Variants in PTPRG observed in about 807,000 individuals in gnomAD.
The protein encoded by PTPRG is receptor-type tyrosine-protein phosphatase gamma.
PTPRG carries 102 observed loss-of-function variants against 165.3 expected under a neutral mutation model. The observed-to-expected ratio is 0.62, with a 90% confidence interval of 0.53 to 0.73. The LOEUF (loss-of-function observed/expected upper bound fraction) is 0.73, where lower values mean the gene tolerates loss of function less well. Among genes scored for constraint, PTPRG ranks in the 30% least tolerant of loss-of-function variants. The probability of loss-of-function intolerance (pLI) is 0.00; values close to 1 mark genes in which losing one functional copy is unlikely to be tolerated. For missense variants in PTPRG, 1,866 were observed against 1,861.4 expected (o/e 1.00, Z -0.05); for synonymous variants, 675 against 669.5 (o/e 1.01, Z -0.13).
At chr3:61,889,962 A>G (rs1172164288) in intron 2 of PTPRG, among the ~76,000 whole-genome samples, 1 of 152,242 alleles carries the variant, frequency 6.6e-6, no homozygotes, top group Non-Finnish European at 1.5e-5. Flanking sequence ...TCTCTCTGAA[A>G]CACATGGAAT....
intron 5 of PTPRG, among the ~76,000 whole-genome samples, chr3:62,123,074 A>G (rs1220117454): frequency 6.6e-6 from 1 of 152,094 alleles, no homozygotes; most frequent in East Asian, 1.9e-4. Flanking sequence ...GCTTAAAATA[A>G]CACACATTTA....
chr3:61,750,438 ACCATAAGTGGTG>A (rs1316245513), intron 2 of PTPRG: 1 of 152,244 alleles, frequency 6.6e-6, no homozygotes, highest in East Asian at 1.9e-4. Context: ...GTTAAGAATG[ACCATAAGTGGTG>A]CCATCTTTGT....
intron 8 of PTPRG, among the ~76,000 whole-genome samples, chr3:62,178,282 G>A (rs1366758067): frequency 6.6e-6 from 1 of 152,106 alleles, no homozygotes; most frequent in Non-Finnish European, 1.5e-5. Flanking sequence ...TGGATGGGAG[G>A]ATGGAGGGAT....
At chr3:62,068,111 A>G (rs149662146) in intron 4 of PTPRG, among the ~76,000 whole-genome samples, 15 of 152,330 alleles carry the variant, frequency 9.8e-5, no homozygotes, top group African/African-American at 3.6e-4. Flanking sequence ...CTACTATCTC[A>G]GCCTTAATTT....
At chr3:61,802,072 C>A (rs1327780912) in intron 2 of PTPRG, among the ~76,000 whole-genome samples, 2 of 150,948 alleles carry the variant, frequency 1.3e-5, no homozygotes, top group African/African-American at 4.9e-5. Context: ...TCAGTTGCAT[C>A]CTAACTAGCT....
intron 2 of PTPRG, among the ~76,000 whole-genome samples, chr3:61,973,651 G>C (rs952333305): frequency 5.9e-5 from 9 of 151,948 alleles, no homozygotes; most frequent in Non-Finnish European, 1.0e-4. Flanking sequence ...GGCCAACGTG[G>C]TGAAACCTCA....
intron 6 of PTPRG, among the ~76,000 whole-genome samples, chr3:62,136,739 C>T (rs192209009): frequency 1.3e-5 from 2 of 152,312 alleles, no homozygotes; most frequent in Admixed American, 1.3e-4. Context: ...CCTGCACAAG[C>T]TGTCTTCTCT....
At chr3:61,638,185 C>A (rs1701967192) in intron 1 of PTPRG, among the ~76,000 whole-genome samples, 1 of 152,170 alleles carries the variant, frequency 6.6e-6, no homozygotes, top group Non-Finnish European at 1.5e-5. Flanking sequence ...TGCTAATTCT[C>A]TTCAGATGCT....
Position 61,622,413 on chromosome 3 carries a change from G to A in PTPRG, c.85+60041G>A, listed in dbSNP as rs73096791. 3.2e-3 allele frequency among the ~76,000 whole-genome samples: 491 copies of A among 152,050 alleles called. 1 individual carries two copies. The highest frequency in any genetic ancestry group is 5.7e-3 in the Non-Finnish European group (385 of 67,984). On this transcript the variant is annotated intron_variant, in intron 1 of 29. Coordinates refer to ENST00000474889, the MANE Select transcript of PTPRG (RefSeq NM_002841.4). ...AGTTGGTACATTTCTGTAGTTTTCC[G>A]TTGTCAGTCACTTTGGATGATAATT... is the stretch of plus-strand genomic sequence containing the variant.
intron 4 of PTPRG, among the ~76,000 whole-genome samples, chr3:62,035,989 C>A (rs1699924766): frequency 1.3e-5 from 2 of 149,492 alleles, no homozygotes; most frequent in Non-Finnish European, 1.5e-5. Context: ...AACATATTAC[C>A]AAGTGCTTTC....
At position 61,778,297 on chromosome 3, in the gene PTPRG, T is replaced by A. The variant is rs369298307; in HGVS notation, c.190+29315T>A. ...ATGGGATCCACATGCCCCCTAGAGG[T>A]TTCTTATTGGCCACTTGGTGTTCAC... On this transcript the variant is annotated intron_variant, in intron 2 of 29. Coordinates refer to ENST00000474889, the MANE Select transcript of PTPRG (RefSeq NM_002841.4). Among the ~76,000 whole-genome samples, 5 of 152,008 alleles carry A rather than the reference T, an allele frequency of 3.3e-5. No individual in the cohort carries two copies. In the South Asian group the frequency reaches 1.0e-3, roughly 32 times the overall value.
At chr3:61,891,720 G>A (rs929509894) in intron 2 of PTPRG, among the ~76,000 whole-genome samples, 1 of 152,192 alleles carries the variant, frequency 6.6e-6, no homozygotes, top group Admixed American at 6.5e-5. Context: ...GAGAGGCAAA[G>A]TGTTTTGTAA....
intron 1 of PTPRG, among the ~76,000 whole-genome samples, chr3:61,635,150 A>G (rs1701873847): frequency 6.6e-6 from 1 of 152,096 alleles, no homozygotes; most frequent in South Asian, 2.1e-4. Flanking sequence ...AAACAGCCAT[A>G]TTACAGGCAT....
At chr3:62,196,654 G>A (rs901794371) in intron 10 of PTPRG, among the ~76,000 whole-genome samples, 3 of 152,086 alleles carry the variant, frequency 2.0e-5, no homozygotes, top group Non-Finnish European at 4.4e-5. Context: ...CCAGGGTGCT[G>A]GACTCTGCTC....
At chr3:62,211,507 G>A (rs912249450) in intron 12 of PTPRG, among the ~76,000 whole-genome samples, 2 of 152,174 alleles carry the variant, frequency 1.3e-5, no homozygotes, top group African/African-American at 4.8e-5. Context: ...TTTGTGTTAT[G>A]TGTTTTTCCA....
rs1030319185 is a variant in PTPRG at position 62,002,907 on chromosome 3, A to G, written c.371-442A>G. On this transcript the variant is annotated intron_variant, in intron 3 of 29. Coordinates refer to ENST00000474889, the MANE Select transcript of PTPRG (RefSeq NM_002841.4). ...ATTTTCTGACCAAAGAAACATGCCT[A>G]TTGCATCTGGCTGATCATATATATT... Among the ~76,000 whole-genome samples, 10 of 152,160 alleles carry G rather than the reference A, an allele frequency of 6.6e-5. No individual in the cohort carries two copies. The East Asian group carries it at 1.5e-3, about 23-fold the overall frequency.
chr3:61,679,979 CT>C (rs1382191328), intron 1 of PTPRG, among the ~76,000 whole-genome samples: 2 of 152,146 alleles, frequency 1.3e-5, no homozygotes, highest in Non-Finnish European at 2.9e-5. Flanking sequence ...AACATTTTCT[CT>C]TTCTCAATTT....
chr3:62,019,522 CAAAAA>C (rs57682254), intron 4 of PTPRG, among the ~76,000 whole-genome samples: 2 of 93,892 alleles, frequency 2.1e-5, no homozygotes, highest in African/African-American at 3.8e-5. Context: ...GACCCCATCT[CAAAAA>C]AAAAAAAAAA....
chr3:61,773,549 G>A (rs1425879444), intron 2 of PTPRG, among the ~76,000 whole-genome samples: 1 of 152,098 alleles, frequency 6.6e-6, no homozygotes, highest in Non-Finnish European at 1.5e-5. Context: ...TTTCTTTTGT[G>A]TAAAAGTGTT....
Sources: gnomAD v4.1 joint callset for allele counts (sites outside exome capture counted in the v4.1 genomes callset) on GRCh38, gnomAD v4.1.1 for gene constraint, MANE v1.5 for transcripts, NCBI Gene and HGNC (gene_info 2026-07-23, HGNC 2026-07-21) for gene names.